Variants in IL18BP observed in about 807,000 individuals in gnomAD.
IL18BP encodes interleukin-18-binding protein.
A neutral mutation model predicts 19.9 loss-of-function variants in IL18BP; 23 were observed. The ratio of observed to expected loss-of-function variants is 1.15; its 90% CI spans 0.83 to 1.64. The LOEUF is 1.64. Among genes scored for constraint, IL18BP ranks in the 40% most tolerant of loss-of-function variants. The pLI is 0.00. For synonymous variants in IL18BP, 107 were observed against 101.0 expected (o/e 1.06, Z -0.35); for missense variants, 239 against 240.7 (o/e 0.99, Z 0.05).
At chr11:72,006,287 G>C (rs1477904108), downstream of IL18BP, 2 of 1,596,504 alleles carry the variant, frequency 1.3e-6, no homozygotes, top group South Asian at 2.2e-5. Flanking sequence ...TGAATCTGTT[G>C]CAGTGTACAG....
At chr11:72,004,575 C>A, downstream of IL18BP, 1 of 1,528,274 alleles carries the variant, frequency 6.5e-7, no homozygotes. Context: ...TCCCTTTAGT[C>A]CTTGGTGAGC....
downstream of IL18BP, chr11:72,007,186 G>T (rs1161574277): frequency 1.2e-6 from 2 of 1,607,244 alleles, no homozygotes; most frequent in South Asian, 1.1e-5. Context: ...CCAGCAGCCT[G>T]ACCTTGGTCA....
downstream of IL18BP, chr11:72,003,267 ACTTTG>A (rs891668070): frequency 5.1e-5 from 27 of 530,854 alleles, no homozygotes; most frequent in East Asian, 2.8e-4. Flanking sequence ...TGGAGAAGTG[ACTTTG>A]CTTTAAGAAA....
At chr11:72,003,762 A>C, downstream of IL18BP, 2 of 1,091,602 alleles carry the variant, frequency 1.8e-6, no homozygotes, top group Non-Finnish European at 2.7e-6. Context: ...GGACAGGGAC[A>C]CCTCTTACCC....
chr11:72,004,557 G>C, downstream of IL18BP: 2 of 1,427,748 alleles, frequency 1.4e-6, no homozygotes, highest in South Asian at 1.3e-5. Context: ...GGGAAGGAGA[G>C]AGAAGGCTCC....
downstream of IL18BP, chr11:72,006,268 A>AAG (rs1407415962): frequency 1.9e-6 from 3 of 1,613,260 alleles, no homozygotes; most frequent in Non-Finnish European, 2.5e-6. Flanking sequence ...TAGCTTCTGG[A>AAG]AGACAGAGTG....
rs763628352 is a variant in IL18BP at position 72,001,218 on chromosome 11, T to C, written c.253T>C (p.Ser85Pro). The change falls in exon 4 of 6, where the codon TCC becomes CCC. Residue 85 changes from serine (S) to proline (P), a missense_variant. Coordinates refer to ENST00000393703, the MANE Select transcript of IL18BP (RefSeq NM_001039660.2). ...EVPLNGTLSL[S>P]CVACSRFPNF... ...GTCCCTAGATGGAACGCTGAGCTTA[T>C]CCTGTGTGGCCTGCAGCCGCTTCCC... 2.5e-6 allele frequency: 4 copies of C among 1,614,036 alleles called. No individual in the cohort carries two copies. The East Asian group carries it at 8.9e-5, about 36-fold the overall frequency.
At chr11:72,006,874 A>G (rs779992343), downstream of IL18BP, among the ~76,000 whole-genome samples, 2 of 152,242 alleles carry the variant, frequency 1.3e-5, no homozygotes, top group African/African-American at 2.4e-5. Context: ...TCTCAGCTGC[A>G]TGGGGCATGC....
downstream of IL18BP, chr11:72,005,128 C>G: frequency 7.7e-7 from 1 of 1,298,768 alleles, no homozygotes; most frequent in Non-Finnish European, 1.0e-6. Context: ...TCCCCCTCCT[C>G]GGCCAGTCAG....
downstream of IL18BP, chr11:72,004,309 G>C: frequency 6.2e-7 from 1 of 1,613,304 alleles, no homozygotes; most frequent in Non-Finnish European, 8.5e-7. Flanking sequence ...GGGGAGTCAT[G>C]GGGCGTGGGA....
At chr11:72,004,431 T>C (rs1565183131), downstream of IL18BP, 2 of 1,306,672 alleles carry the variant, frequency 1.5e-6, no homozygotes, top group African/African-American at 3.0e-5. Flanking sequence ...GAGTGGACCT[T>C]GTAAGTCAAC....
chr11:72,006,748 C>T (rs1304798607), downstream of IL18BP, among the ~76,000 whole-genome samples: 1 of 152,164 alleles, frequency 6.6e-6, no homozygotes, highest in African/African-American at 2.4e-5. Context: ...ACACACAGGT[C>T]CCCCCTGCTG....
chr11:72,004,596 C>A, downstream of IL18BP: 1 of 1,588,564 alleles, frequency 6.3e-7, no homozygotes. Flanking sequence ...TGGGCCTGAC[C>A]TGAGCACAGT....
At chr11:72,005,107 G>T, downstream of IL18BP, 1 of 1,132,012 alleles carries the variant, frequency 8.8e-7, no homozygotes. Flanking sequence ...GGAAACATGA[G>T]AAGGTCACCC....
downstream of IL18BP, chr11:72,007,311 G>C: frequency 6.2e-7 from 1 of 1,613,376 alleles, no homozygotes; most frequent in East Asian, 2.2e-5. Context: ...GCCTGACTCC[G>C]AGCAGGGATG....
downstream of IL18BP, chr11:72,005,557 C>T: frequency 5.2e-6 from 3 of 573,026 alleles, no homozygotes; most frequent in Admixed American, 7.2e-5. Context: ...GCTTGCTCAC[C>T]ACCTTCTCCC....
chr11:72,006,144 A>G, downstream of IL18BP: 1 of 1,614,136 alleles, frequency 6.2e-7, no homozygotes, highest in Non-Finnish European at 8.5e-7. Flanking sequence ...AATCGGGAGA[A>G]CCCAGGCGAG....
downstream of IL18BP, chr11:72,006,055 A>T (rs774763599): frequency 1.2e-6 from 2 of 1,612,696 alleles, no homozygotes; most frequent in East Asian, 2.2e-5. Flanking sequence ...CCCACTGGAC[A>T]CCCCGGCCTG....
In IL18BP at chr11:72,001,813, C is replaced by A; in HGVS notation, c.537C>A (p.Thr179=). The A allele has an allele frequency of 1.9e-6, 3 of 1,614,068 alleles. No homozygotes were observed. Among genetic ancestry groups the A allele is most frequent in the Non-Finnish European group, 2.5e-6 (3 of 1,179,982 alleles). ...GGCTGAGGGCAACCTTGCCCCCCACCCAAGAAGCCCTGCCCTCCAGCCACA... is the reference window on the plus strand; with the variant it reads ...GGCTGAGGGCAACCTTGCCCCCCACACAAGAAGCCCTGCCCTCCAGCCACA... The part of the protein sequence containing the change: ...WAGLRATLPP[T]QEALPSSHSS... The change falls in exon 6 of 6, where the codon ACC becomes ACA. Residue 179 remains threonine, a synonymous_variant. Coordinates refer to ENST00000393703, the MANE Select transcript of IL18BP (RefSeq NM_001039660.2).
Sources: gnomAD v4.1 joint callset for allele counts (sites outside exome capture counted in the v4.1 genomes callset) on GRCh38, gnomAD v4.1.1 for gene constraint, MANE v1.5 for transcripts, NCBI Gene and HGNC (gene_info 2026-07-23, HGNC 2026-07-21) for gene names.